Variants in NFAT5 observed in about 807,000 individuals in gnomAD.
NFAT5 encodes nuclear factor of activated T cells 5.
Under a neutral mutation model 166.5 loss-of-function variants are expected in NFAT5, and 31 were observed. The ratio of observed to expected loss-of-function variants is 0.19; its 90% CI spans 0.14 to 0.25. NFAT5 has a LOEUF of 0.25. Ranked by LOEUF, NFAT5 falls within the 10% of genes least tolerant of loss-of-function variation. NFAT5 has a pLI of 1.00. For missense variants in NFAT5, 1,449 were observed against 1,821.8 expected (o/e 0.80, Z 3.72); for synonymous variants, 612 against 639.7 (o/e 0.96, Z 0.65).
chr16:69,668,527 A>G (rs2036495696), intron 7 of NFAT5, among the ~76,000 whole-genome samples: 2 of 152,230 alleles, frequency 1.3e-5, no homozygotes, highest in African/African-American at 4.8e-5. Flanking sequence ...AGCTATACAC[A>G]TAGCTTGAAG....
At chr16:69,580,469 T>G (rs958927791) in intron 2 of NFAT5, among the ~76,000 whole-genome samples, 11 of 151,226 alleles carry the variant, frequency 7.3e-5, no homozygotes, top group Non-Finnish European at 1.3e-4. Flanking sequence ...AGGTGGAGGT[T>G]GTGGTGAGCC....
chr16:69,668,924 A>AT (rs2036513464), intron 7 of NFAT5, among the ~76,000 whole-genome samples: 1 of 151,934 alleles, frequency 6.6e-6, no homozygotes, highest in African/African-American at 2.4e-5. Context: ...CTTTTCTTAT[A>AT]TTTCTTCACA....
intron 7 of NFAT5, among the ~76,000 whole-genome samples, chr16:69,664,124 A>G (rs1483637648): frequency 2.0e-5 from 3 of 152,170 alleles, no homozygotes; most frequent in Non-Finnish European, 2.9e-5. Context: ...TTTGGATAGG[A>G]TTAGTAATTT....
At chr16:69,583,994 G>A (rs147124953) in intron 2 of NFAT5, among the ~76,000 whole-genome samples, 2 of 152,226 alleles carry the variant, frequency 1.3e-5, no homozygotes, top group East Asian at 3.9e-4. Flanking sequence ...GAAGGCTGAG[G>A]TGGGCAGATC....
intron 3 of NFAT5, among the ~76,000 whole-genome samples, chr16:69,629,863 G>C (rs2151586597): frequency 6.6e-6 from 1 of 150,988 alleles, no homozygotes; most frequent in East Asian, 1.9e-4. Flanking sequence ...AAACCCCCTG[G>C]GCTCAAGTGA....
chr16:69,659,898 TAGTA>T lies in NFAT5; in HGVS notation c.1369+6_1369+9del. 2 of 1,601,910 alleles carry T rather than the reference TAGTA, an allele frequency of 1.2e-6. No homozygotes were observed. The highest frequency in any genetic ancestry group is 1.7e-6 in the Non-Finnish European group (2 of 1,173,192). On this transcript the variant is annotated splice_donor_variant and splice_donor_region_variant and coding_sequence_variant and intron_variant, in exon 7 of 15. Transcript: ENST00000349945. LOFTEE classifies it high-confidence loss of function. ...AAACACCCTCTTCTCCAATTTTGTG[TAGTA>T]AGTAAGAAGATACGGAGATACTAAA...
chr16:69,640,815 C>T (rs1174647784), intron 3 of NFAT5, among the ~76,000 whole-genome samples: 1 of 151,814 alleles, frequency 6.6e-6, no homozygotes, highest in Non-Finnish European at 1.5e-5. Context: ...AACCCTGTCT[C>T]TACTAAAAAT....
intron 6 of NFAT5, among the ~76,000 whole-genome samples, chr16:69,657,860 C>A (rs943664765): frequency 6.7e-6 from 1 of 148,936 alleles, no homozygotes; most frequent in African/African-American, 2.5e-5. Context: ...CCGAGGCAGG[C>A]GGATCACGAG....
At chr16:69,630,421 T>C (rs986803453) in intron 3 of NFAT5, among the ~76,000 whole-genome samples, 4 of 152,160 alleles carry the variant, frequency 2.6e-5, no homozygotes, top group African/African-American at 9.7e-5. Context: ...TTCTCCTACC[T>C]TGGACTCCCA....
rs2037520507 is a variant in NFAT5, at chr16:69,690,926, G to T, written c.1775-14G>T. ...TGATTTTAAACTTTTCTTTTTGTGT[G>T]TGTGTATATGCAGCAATGAAAACTA... is the stretch of plus-strand genomic sequence containing the variant. On this transcript the variant is annotated splice_polypyrimidine_tract_variant and intron_variant, in intron 11 of 14. Coordinates refer to ENST00000349945, the MANE Select transcript of NFAT5 (RefSeq NM_138713.4). 3 of 1,469,802 alleles carry T rather than the reference G, an allele frequency of 2.0e-6. No homozygotes were observed. The East Asian group carries it at 7.5e-5, about 37-fold the overall frequency. 91.0% of individuals were successfully genotyped at this position (1,469,802 alleles called of 1,614,324 possible).
At chr16:69,690,266 C>T (rs558351933) in intron 11 of NFAT5, among the ~76,000 whole-genome samples, 2 of 151,960 alleles carry the variant, frequency 1.3e-5, no homozygotes, top group South Asian at 2.1e-4. Flanking sequence ...AATAATTTTT[C>T]ATTTTGCTTG....
At chr16:69,590,409 G>A (rs935980649) in intron 2 of NFAT5, among the ~76,000 whole-genome samples, 2 of 152,116 alleles carry the variant, frequency 1.3e-5, no homozygotes, top group African/African-American at 2.4e-5. Flanking sequence ...CAAAGTTCAG[G>A]ATTTTTTGCG....
chr16:69,681,975 T>C (rs1160973998), intron 10 of NFAT5, among the ~76,000 whole-genome samples: 1 of 149,232 alleles, frequency 6.7e-6, no homozygotes, highest in Non-Finnish European at 1.5e-5. Context: ...GCCTGTTACA[T>C]GGTCTAAAGG....
At chr16:69,632,563 G>A (rs1168946419) in intron 3 of NFAT5, 2 of 152,082 alleles carry the variant, frequency 1.3e-5, no homozygotes, top group Non-Finnish European at 2.9e-5. Context: ...GTGATTTCTA[G>A]CAACAAAATT....
At chr16:69,599,795 C>T (rs1421969883) in intron 2 of NFAT5, among the ~76,000 whole-genome samples, 3 of 151,894 alleles carry the variant, frequency 2.0e-5, no homozygotes, top group Admixed American at 6.6e-5. Context: ...AAGTGCTTGG[C>T]ATGTTCAAGA....
At chr16:69,583,701 C>G (rs1176535315) in intron 2 of NFAT5, among the ~76,000 whole-genome samples, 1 of 152,126 alleles carries the variant, frequency 6.6e-6, no homozygotes, top group Non-Finnish European at 1.5e-5. Flanking sequence ...AGGGCATTGA[C>G]TATACCTTGC....
rs1409931325 is a variant in NFAT5 at position 69,588,977 on chromosome 16, C to CTT, written c.127+20430_127+20431dup. On this transcript the variant is annotated intron_variant, in intron 2 of 14. Coordinates refer to ENST00000349945, the MANE Select transcript of NFAT5 (RefSeq NM_138713.4). ...TTGGACCCTCCCTCCTCTTTTCCTA[C>CTT]TTCTTTTTTTTTTTTTTTTTTTTTT... Among the ~76,000 whole-genome samples, 27 of 78,580 alleles carry CTT rather than the reference C, an allele frequency of 3.4e-4. 1 individual carries two copies. The highest frequency in any genetic ancestry group is 9.9e-4 in the African/African-American group (23 of 23,130). 51.6% of individuals were successfully genotyped at this position (78,580 alleles called of 152,430 possible). A position where few individuals can be genotyped will look rare whatever the true frequency, so the allele number is the denominator to read the frequency against.
chr16:69,585,251 C>T (rs929338885), intron 2 of NFAT5, among the ~76,000 whole-genome samples: 4 of 151,940 alleles, frequency 2.6e-5, no homozygotes, highest in African/African-American at 9.7e-5. Context: ...CCTCATGATC[C>T]ACCTGCCTCG....
chr16:69,634,820 T>A, intron 3 of NFAT5, among the ~76,000 whole-genome samples: 1 of 152,164 alleles, frequency 6.6e-6, no homozygotes, highest in East Asian at 1.9e-4. Flanking sequence ...TCATATCATA[T>A]CTCCTATATA....
Sources: allele counts gnomAD v4.1 joint callset (sites outside exome capture counted in the v4.1 genomes callset), GRCh38; gene constraint gnomAD v4.1.1; transcripts MANE v1.5; gene names NCBI Gene and HGNC (gene_info 2026-07-23, HGNC 2026-07-21).